RUNX1: variants seen among roughly 807,000 people sequenced by gnomAD.
The protein encoded by RUNX1 is runt-related transcription factor 1.
Under a neutral mutation model 42.8 loss-of-function variants are expected in RUNX1, and 19 were observed. The observed-to-expected ratio is 0.44, with a 90% confidence interval of 0.31 to 0.65. The LOEUF is 0.65. RUNX1 is among the 30% of genes least tolerant of loss of function. The probability of loss-of-function intolerance (pLI) is 0.07; values close to 1 mark genes in which losing one functional copy is unlikely to be tolerated. For missense variants in RUNX1, 528 were observed against 672.0 expected, an observed-to-expected ratio of 0.79 and a Z score of 2.37; for synonymous variants, 271 against 289.4, an observed-to-expected ratio of 0.94 and a Z score of 0.64.
At chr21:34,928,966 G>GTT (rs1555906188) in intron 2 of RUNX1, among the ~76,000 whole-genome samples, 1 of 148,474 alleles carries the variant, frequency 6.7e-6, no homozygotes, top group Non-Finnish European at 1.5e-5. Context: ...TTTTTTGGGG[G>GTT]GGGGGGTAGA....
At chr21:34,933,940 T>C (rs1478949409) in intron 2 of RUNX1, among the ~76,000 whole-genome samples, 2 of 152,214 alleles carry the variant, frequency 1.3e-5, no homozygotes, top group Non-Finnish European at 2.9e-5. Flanking sequence ...TTAGAGATGC[T>C]TGGATTTCCC....
At chr21:35,035,445 C>T (rs140637034) in intron 2 of RUNX1, among the ~76,000 whole-genome samples, 311 of 152,322 alleles carry the variant, frequency 2.0e-3, no homozygotes, top group Non-Finnish European at 3.8e-3. Context: ...GGACTCCAAC[C>T]GAGTTCTGCC....
intron 2 of RUNX1, among the ~76,000 whole-genome samples, chr21:34,967,675 C>T (rs2058731573): frequency 6.6e-6 from 1 of 152,152 alleles, no homozygotes. Flanking sequence ...GTGATTGTGA[C>T]AGTGAGGGTG....
intron 2 of RUNX1, among the ~76,000 whole-genome samples, chr21:34,989,105 T>C (rs1221586709): frequency 6.6e-6 from 1 of 151,988 alleles, no homozygotes; most frequent in African/African-American, 2.4e-5. Flanking sequence ...ACCTTCCACG[T>C]TCAAGCGATT....
At chr21:34,917,659 A>G (rs146781438) in intron 2 of RUNX1, among the ~76,000 whole-genome samples, 1 of 152,342 alleles carries the variant, frequency 6.6e-6, no homozygotes, top group African/African-American at 2.4e-5. Flanking sequence ...TCAGACACAT[A>G]AAGAAAGCAA....
At chr21:34,863,006 G>T (rs2057599426) in intron 5 of RUNX1, among the ~76,000 whole-genome samples, 1 of 152,162 alleles carries the variant, frequency 6.6e-6, no homozygotes, top group African/African-American at 2.4e-5. Context: ...TTTAAGTCGT[G>T]TAGAACTTAC....
intron 2 of RUNX1, among the ~76,000 whole-genome samples, chr21:34,959,828 C>A (rs2834692): frequency 0.057 from 8,740 of 152,144 alleles, 824 homozygotes; most frequent in African/African-American, 0.2. Context: ...AGGCTGATCC[C>A]TGCTGGGAAC....
At chr21:34,918,763 C>A (rs921003906) in intron 2 of RUNX1, among the ~76,000 whole-genome samples, 1 of 152,116 alleles carries the variant, frequency 6.6e-6, no homozygotes, top group African/African-American at 2.4e-5. Context: ...CAAAAATTAG[C>A]TGGGCATAGT....
At chr21:34,942,196 G>T (rs377681842) in intron 2 of RUNX1, among the ~76,000 whole-genome samples, 2 of 152,158 alleles carry the variant, frequency 1.3e-5, no homozygotes, top group East Asian at 3.9e-4. Context: ...GATAGAATTT[G>T]GGGCTAGATC....
At chr21:35,019,662 C>A (rs79256957) in intron 2 of RUNX1, among the ~76,000 whole-genome samples, 1 of 152,126 alleles carries the variant, frequency 6.6e-6, no homozygotes, top group African/African-American at 2.4e-5. Context: ...CACACCCACA[C>A]CCCCCAGAAA....
At chr21:34,930,815 C>A (rs1374090822) in intron 2 of RUNX1, among the ~76,000 whole-genome samples, 6 of 151,998 alleles carry the variant, frequency 3.9e-5, no homozygotes, top group African/African-American at 1.2e-4. Context: ...TGCAAGTGAA[C>A]CATATATAGA....
intron 5 of RUNX1, among the ~76,000 whole-genome samples, chr21:34,870,473 C>T (rs2057721285): frequency 6.6e-6 from 1 of 152,214 alleles, no homozygotes; most frequent in African/African-American, 2.4e-5. Context: ...TTCTGGTTGT[C>T]ACAACCAGGA....
At position 34,792,986 on chromosome 21, in the gene RUNX1, G is replaced by A. The variant is rs2056470784; in HGVS notation, c.968-376C>T. 6.7e-6 allele frequency among the ~76,000 whole-genome samples: 1 copy of A among 148,380 alleles called. No individual in the cohort carries two copies. The highest frequency in any genetic ancestry group is 2.5e-5 in the African/African-American group (1 of 39,880). On this transcript the variant is annotated intron_variant, in intron 8 of 8. Coordinates refer to ENST00000675419, the MANE Select transcript of RUNX1 (RefSeq NM_001754.5). This position sits in a 1 kb window ranked among gnomAD's most constrained non-coding sequence, Gnocchi z 6.9. The stretch of plus-strand genomic sequence containing the variant: ...CACCCAGGATGACACCACCTGGGAG[G>A]ATGGAGACCACCCAGGATGCTACCG...
intron 2 of RUNX1, among the ~76,000 whole-genome samples, chr21:34,911,252 A>G (rs952553177): frequency 4.6e-5 from 7 of 152,200 alleles, no homozygotes; most frequent in African/African-American, 1.7e-4. Context: ...TTTGCTGAAT[A>G]AAGGTTGATG....
intron 2 of RUNX1, among the ~76,000 whole-genome samples, chr21:34,930,464 C>T (rs138951981): frequency 8.0e-4 from 122 of 151,754 alleles, no homozygotes; most frequent in African/African-American, 2.8e-3. Flanking sequence ...GAGACCACAA[C>T]TGAGCACAGC....
At chr21:34,957,021 A>G (rs2058649287) in intron 2 of RUNX1, among the ~76,000 whole-genome samples, 2 of 152,102 alleles carry the variant, frequency 1.3e-5, no homozygotes, top group Admixed American at 1.3e-4. Flanking sequence ...AGGCACCCAC[A>G]TTGTTCTTTT....
chr21:34,925,463 GAC>G (rs1166951545), intron 2 of RUNX1, among the ~76,000 whole-genome samples: 1 of 152,180 alleles, frequency 6.6e-6, no homozygotes, highest in Non-Finnish European at 1.5e-5. Context: ...GCCATGGGAA[GAC>G]ACAGACACAA....
intron 2 of RUNX1, among the ~76,000 whole-genome samples, chr21:34,996,542 G>C (rs1377402939): frequency 6.6e-6 from 1 of 151,978 alleles, no homozygotes; most frequent in African/African-American, 2.4e-5. Flanking sequence ...AGAGGACGAA[G>C]ACCAGGGCAG....
At chr21:34,809,065 T>G (rs763436570) in intron 7 of RUNX1, among the ~76,000 whole-genome samples, 9 of 152,148 alleles carry the variant, frequency 5.9e-5, no homozygotes, top group African/African-American at 7.2e-5. Context: ...CAGACATCTT[T>G]TCCATAAGGA....
Sources: gnomAD v4.1 joint callset for allele counts (sites outside exome capture counted in the v4.1 genomes callset) on GRCh38, gnomAD v4.1.1 for gene constraint, Gnocchi (gnomAD v3.1) non-coding constraint, MANE v1.5 for transcripts, NCBI Gene and HGNC (gene_info 2026-07-23, HGNC 2026-07-21) for gene names.